Variants in JAZF1 observed in about 807,000 individuals in gnomAD.
JAZF1 encodes juxtaposed with another zinc finger protein 1.
Under a neutral mutation model 26.4 loss-of-function variants are expected in JAZF1, and 8 were observed. The observed-to-expected ratio is 0.30, with a 90% CI of 0.18 to 0.55. The LOEUF (loss-of-function observed/expected upper bound fraction) is 0.55, where lower values mean the gene tolerates loss of function less well. JAZF1 is among the 20% of genes least tolerant of loss of function. The pLI is 0.94. For missense variants in JAZF1, 199 were observed against 322.0 expected, an observed-to-expected ratio of 0.62 and a Z score of 2.92; for synonymous variants, 126 against 122.3, an observed-to-expected ratio of 1.03 and a Z score of -0.20.
intron 3 of JAZF1, among the ~76,000 whole-genome samples, chr7:27,880,875 C>T (rs566773782): frequency 2.0e-5 from 3 of 152,144 alleles, no homozygotes; most frequent in South Asian, 4.1e-4. Flanking sequence ...CCTGTGTTAC[C>T]GTGGCTGGTC....
intron 1 of JAZF1, among the ~76,000 whole-genome samples, chr7:28,057,787 C>A (rs1480758971): frequency 6.6e-6 from 1 of 152,168 alleles, no homozygotes; most frequent in Non-Finnish European, 1.5e-5. Flanking sequence ...TAAATCTCTG[C>A]CCTAACTGCA....
intron 1 of JAZF1, among the ~76,000 whole-genome samples, chr7:28,017,900 G>A (rs1782925113): frequency 6.6e-6 from 1 of 152,124 alleles, no homozygotes; most frequent in Non-Finnish European, 1.5e-5. Context: ...CAGCCTTCCA[G>A]GTAGCTGGGA....
chr7:27,966,016 C>G (rs901351668), intron 2 of JAZF1, among the ~76,000 whole-genome samples: 5 of 152,244 alleles, frequency 3.3e-5, no homozygotes, highest in African/African-American at 1.2e-4. Context: ...CTGAAAGCTA[C>G]TGGAAGAATC....
At chr7:28,157,546 C>T (rs1298237262) in intron 1 of JAZF1, among the ~76,000 whole-genome samples, 2 of 152,152 alleles carry the variant, frequency 1.3e-5, no homozygotes, top group African/African-American at 4.8e-5. Context: ...AGTATGCGGG[C>T]TGTACAAAAA....
At chr7:28,041,875 T>A (rs1373200130) in intron 1 of JAZF1, among the ~76,000 whole-genome samples, 1 of 152,190 alleles carries the variant, frequency 6.6e-6, no homozygotes. Context: ...CACAACTGTT[T>A]GACTTTCAAA....
At chr7:28,005,457 G>A (rs1250047324) in intron 1 of JAZF1, among the ~76,000 whole-genome samples, 1 of 151,848 alleles carries the variant, frequency 6.6e-6, no homozygotes, top group East Asian at 1.9e-4. Flanking sequence ...CTGAACATCT[G>A]GACACAGACT....
intron 1 of JAZF1, among the ~76,000 whole-genome samples, chr7:28,076,911 T>C (rs1784060203): frequency 1.3e-5 from 2 of 152,156 alleles, no homozygotes; most frequent in Admixed American, 6.5e-5. Context: ...TAGAGACTGC[T>C]TGTCAAGTGG....
At chr7:28,121,753 A>G (rs1261324690) in intron 1 of JAZF1, among the ~76,000 whole-genome samples, 1 of 152,250 alleles carries the variant, frequency 6.6e-6, no homozygotes, top group African/African-American at 2.4e-5. Flanking sequence ...TTAATTGGGC[A>G]TAGATTCTGA....
intron 1 of JAZF1, among the ~76,000 whole-genome samples, chr7:28,091,395 C>T (rs1042248401): frequency 2.2e-4 from 33 of 151,904 alleles, no homozygotes; most frequent in African/African-American, 7.2e-4. Flanking sequence ...TTTTCCCTTG[C>T]TCCCAATATG....
At chr7:27,999,289 G>C (rs1355493159) in intron 1 of JAZF1, among the ~76,000 whole-genome samples, 1 of 152,186 alleles carries the variant, frequency 6.6e-6, no homozygotes, top group African/African-American at 2.4e-5. Context: ...ATACATGCCT[G>C]CTTTCTCCAG....
intron 1 of JAZF1, among the ~76,000 whole-genome samples, chr7:28,051,128 T>A (rs1184725867): frequency 7.4e-5 from 5 of 67,692 alleles, no homozygotes; most frequent in Non-Finnish European, 8.0e-5. Flanking sequence ...CAAGACTCCA[T>A]CTCAAAAAAA....
intron 1 of JAZF1, among the ~76,000 whole-genome samples, chr7:28,053,398 C>T (rs1222462560): frequency 6.6e-6 from 1 of 152,128 alleles, no homozygotes; most frequent in Non-Finnish European, 1.5e-5. Context: ...AACATGTTTT[C>T]TATAATGTTT....
At position 28,075,557 on chromosome 7, in the gene JAZF1, G is replaced by A. The variant is rs142739243; in HGVS notation, c.116-83576C>T. Among the ~76,000 whole-genome samples, 780 of 152,156 alleles carry A rather than the reference G, an allele frequency of 5.1e-3. 4 individuals are homozygous for A. The highest frequency in any genetic ancestry group is 0.014 in the Middle Eastern group (4 of 294). On this transcript the variant is annotated intron_variant, in intron 1 of 4. Coordinates refer to ENST00000283928, the MANE Select transcript of JAZF1 (RefSeq NM_175061.4). ...AAACCTTCTCTGTCTACCTATAAAT[G>A]TATATTGTAATTGGTTGGTTTTCCC...
At chr7:27,978,891 G>GT (rs1562547261) in intron 2 of JAZF1, among the ~76,000 whole-genome samples, 1 of 151,370 alleles carries the variant, frequency 6.6e-6, no homozygotes, top group South Asian at 2.1e-4. Flanking sequence ...ATGTGTGTGT[G>GT]TTTTTTGGGG....
At chr7:28,025,042 G>C (rs1783069173) in intron 1 of JAZF1, among the ~76,000 whole-genome samples, 1 of 152,136 alleles carries the variant, frequency 6.6e-6, no homozygotes. Flanking sequence ...CTCTTCTCTG[G>C]GTCTGACAAA....
chr7:27,921,577 T>A (rs922575967), intron 2 of JAZF1, among the ~76,000 whole-genome samples: 33 of 152,230 alleles, frequency 2.2e-4, no homozygotes, highest in Admixed American at 2.1e-3. Context: ...AGAGCATCTC[T>A]GTTAACTTGT....
chr7:27,926,643 A>T (rs7787576), intron 2 of JAZF1, among the ~76,000 whole-genome samples: 99,004 of 152,180 alleles, frequency 0.65, 32,842 homozygotes, highest in East Asian at 0.99. Context: ...TGTTGTGTGA[A>T]TCTCACAACA....
chr7:28,059,298 C>A (rs1473233469), intron 1 of JAZF1, among the ~76,000 whole-genome samples: 1 of 152,098 alleles, frequency 6.6e-6, no homozygotes, highest in African/African-American at 2.4e-5. Context: ...CAGCACACTG[C>A]CAACATTTTT....
intron 2 of JAZF1, among the ~76,000 whole-genome samples, chr7:27,960,739 C>G (rs1785172230): frequency 6.6e-6 from 1 of 152,098 alleles, no homozygotes; most frequent in Non-Finnish European, 1.5e-5. Flanking sequence ...CCTGGTTTCC[C>G]AAGCCACCCA....
Sources: gnomAD v4.1 joint callset for allele counts (sites outside exome capture counted in the v4.1 genomes callset) on GRCh38, gnomAD v4.1.1 for gene constraint, MANE v1.5 for transcripts, NCBI Gene and HGNC (gene_info 2026-07-23, HGNC 2026-07-21) for gene names.